Variants in ZFR observed in about 807,000 individuals in gnomAD.
The protein encoded by ZFR is zinc finger RNA binding protein.
ZFR carries 19 observed loss-of-function variants against 130.7 expected under a neutral mutation model. The observed-to-expected ratio is 0.15, with a 90% CI of 0.10 to 0.21. The LOEUF is 0.21. Among genes scored for constraint, ZFR ranks in the 10% least tolerant of loss-of-function variants. ZFR has a pLI of 1.00. For synonymous variants in ZFR, 466 were observed against 456.9 expected, an observed-to-expected ratio of 1.02 and a Z score of -0.25; for missense variants, 872 against 1,321.5, an observed-to-expected ratio of 0.66 and a Z score of 5.27.
In ZFR at chr5:32,402,795, A is replaced by C. The variant is rs568898274; in HGVS notation, c.1516+311T>G. ...TCTGTCTCAAAAATGAAAAAAAAAA[A>C]AACAAAAAAAACCAATCAGGTTACC... On this transcript the variant is annotated intron_variant, in intron 8 of 19. Transcript: ENST00000265069. 2.6e-5 allele frequency among the ~76,000 whole-genome samples: 4 copies of C among 151,798 alleles called. No homozygotes were observed. The East Asian group carries it at 7.7e-4, about 29-fold the overall frequency.
In ZFR at chr5:32,410,761, T is replaced by C. The variant is rs556137866; in HGVS notation, c.785-3740A>G. 1.8e-4 allele frequency among the ~76,000 whole-genome samples: 27 copies of C among 152,310 alleles called. 1 individual carries two copies. The South Asian group carries it at 5.6e-3, about 32-fold the overall frequency. ...GTAGGTAGCAATACTCTAGAACTCATTTTACTAAGATAAAGAGAACAGCTG... is the reference window on the plus strand; with the variant it reads ...GTAGGTAGCAATACTCTAGAACTCACTTTACTAAGATAAAGAGAACAGCTG... On this transcript the variant is annotated intron_variant, in intron 5 of 19. Coordinates refer to ENST00000265069, the MANE Select transcript of ZFR (RefSeq NM_016107.5).
chr5:32,380,236 C>A (rs575169978), intron 15 of ZFR, 64 bp from the exon 16 acceptor site: 33 of 1,266,282 alleles, frequency 2.6e-5, no homozygotes, highest in Admixed American at 3.5e-5. Flanking sequence ...GAGCAAGACA[C>A]TTCCTTAAGG....
Position 32,390,388 on chromosome 5 carries a change from G to T in ZFR, c.2029C>A (p.His677Asn), listed in dbSNP as rs750147551. Residue 677 changes from histidine to asparagine, a missense_variant, in exon 12 of 20, where the codon CAT becomes AAT. By Grantham distance (68) the His-to-Asn change is moderately conservative (BLOSUM62 1). Coordinates refer to ENST00000265069, the MANE Select transcript of ZFR (RefSeq NM_016107.5). The stretch of plus-strand genomic sequence containing the variant: ...GGCATTCGGCGGCGATCATCCCAAT[G>T]ATGTTGTTCTTCCTCCATTCTCCTC... Reference protein sequence around the residue: ...YWRRMEEEQHHWDDRRRMPDG... With the variant: ...YWRRMEEEQHNWDDRRRMPDG... The T allele has an allele frequency of 3.7e-6, 6 of 1,614,102 alleles. No individual in the cohort carries two copies. In the East Asian group the frequency reaches 1.3e-4, roughly 36 times the overall value.
At chr5:32,391,601 G>A (rs890729345) in intron 11 of ZFR, among the ~76,000 whole-genome samples, 1 of 149,188 alleles carries the variant, frequency 6.7e-6, no homozygotes, top group Middle Eastern at 3.3e-3. Context: ...TTCAAACTAG[G>A]ATACCAATAA....
chr5:32,433,156 T>C (rs889492170), intron 2 of ZFR, among the ~76,000 whole-genome samples: 2 of 152,230 alleles, frequency 1.3e-5, no homozygotes, highest in African/African-American at 4.8e-5. Context: ...GTTAATTTTC[T>C]TGTAATCTTT....
intron 2 of ZFR, among the ~76,000 whole-genome samples, chr5:32,436,718 C>T (rs1336162399): frequency 6.6e-6 from 1 of 152,168 alleles, no homozygotes; most frequent in African/African-American, 2.4e-5. Context: ...TTAAAATCCT[C>T]CAGCCTAGGC....
At chr5:32,360,049 T>G (rs1436102756) in intron 19 of ZFR, among the ~76,000 whole-genome samples, 2 of 152,196 alleles carry the variant, frequency 1.3e-5, no homozygotes, top group Non-Finnish European at 2.9e-5. Context: ...TGGCACCAAT[T>G]TCAAAAGATT....
chr5:32,380,290 T>G, intron 15 of ZFR, 118 bp from the exon 16 acceptor site: 1 of 607,348 alleles, frequency 1.6e-6, no homozygotes, highest in South Asian at 2.2e-5. Flanking sequence ...TGTTGGCACT[T>G]TAATATATCC....
intron 2 of ZFR, among the ~76,000 whole-genome samples, chr5:32,439,667 G>A (rs1030669937): frequency 1.3e-5 from 2 of 151,986 alleles, no homozygotes; most frequent in Admixed American, 6.6e-5. Flanking sequence ...GAGGCTGGGC[G>A]TAGTGGCTCA....
At position 32,444,117 on chromosome 5, in the gene ZFR, A is replaced by T. The variant is rs1318396454; in HGVS notation, c.137+112T>A. On this transcript the variant is annotated intron_variant, in intron 2 of 19. Transcript: ENST00000265069. ...CCGGGCTGGGCCGGGCCAGGCCTGC[A>T]GCGGGCCGGGGCTCTGGGATGGCTG... 1.1e-5 allele frequency: 13 copies of T among 1,221,150 alleles called. No individual in the cohort carries two copies. The African/African-American group carries it at 1.1e-4, about 10-fold the overall frequency. The allele number at this position is 1,221,150 out of a possible 1,614,324, so 75.6% of individuals were successfully genotyped here.
intron 9 of ZFR, among the ~76,000 whole-genome samples, chr5:32,398,980 T>C (rs985418401): frequency 1.3e-5 from 2 of 152,072 alleles, no homozygotes; most frequent in South Asian, 2.1e-4. Context: ...CAAATATTTA[T>C]TTAAAACCTA....
chr5:32,367,212 T>C (rs1193043926), intron 17 of ZFR, among the ~76,000 whole-genome samples: 3 of 152,014 alleles, frequency 2.0e-5, no homozygotes, highest in Non-Finnish European at 4.4e-5. Flanking sequence ...GGTGGGTGGA[T>C]CACCTGACGT....
chr5:32,362,026 G>A (rs1752446004), intron 19 of ZFR, among the ~76,000 whole-genome samples: 1 of 152,072 alleles, frequency 6.6e-6, no homozygotes, highest in Admixed American at 6.6e-5. Flanking sequence ...TTCTGCATGT[G>A]GTTTGTAGGT....
chr5:32,366,198 G>A (rs1392271146), intron 17 of ZFR, among the ~76,000 whole-genome samples: 1 of 152,108 alleles, frequency 6.6e-6, no homozygotes, highest in African/African-American at 2.4e-5. Context: ...AATAAACCAA[G>A]AGTAATAATT....
In ZFR at chr5:32,403,295, T is replaced by C. The variant is rs1317871543; in HGVS notation, c.1327A>G (p.Thr443Ala). 1 of 1,614,200 alleles carries C rather than the reference T, an allele frequency of 6.2e-7. No homozygotes were observed. The highest frequency in any genetic ancestry group is 1.7e-5 in the Admixed American group (1 of 60,028). Reference sequence around the variant, plus strand: ...GCTGCAATGCTTGAAGGAGAGGCAGTCGGCTTTGAAGCAGATACAGCTGTT... The same window carrying C: ...GCTGCAATGCTTGAAGGAGAGGCAGCCGGCTTTGAAGCAGATACAGCTGTT... The part of the protein sequence containing the change: ...SSTAVSASKP[T>A]ASPSSIAANN... Residue 443 changes from threonine (T) to alanine (A), a missense_variant, in exon 8 of 20, where the codon ACT (threonine) becomes GCT (alanine). By Grantham distance (58) the Thr-to-Ala change is moderately conservative. Transcript: ENST00000265069.
At chr5:32,364,707 A>T (rs1439713156) in intron 17 of ZFR, 1 of 152,342 alleles carries the variant, frequency 6.6e-6, no homozygotes, top group African/African-American at 2.4e-5. Flanking sequence ...ATTGCACTCT[A>T]GCACCCTGAG....
At chr5:32,406,626 C>T (rs749615779) in intron 6 of ZFR, 148 bp downstream of exon 6, 52 of 1,106,264 alleles carry the variant, frequency 4.7e-5, no homozygotes, top group Non-Finnish European at 5.6e-5. Context: ...TGAAAATTCT[C>T]ATGCCACAAT....
At chr5:32,369,863 T>C (rs774357120) in intron 17 of ZFR, among the ~76,000 whole-genome samples, 28 of 152,084 alleles carry the variant, frequency 1.8e-4, no homozygotes, top group Non-Finnish European at 3.8e-4. Context: ...AGCATTATTA[T>C]ACTATGTTGT....
At chr5:32,401,791 C>T (rs544763206) in intron 8 of ZFR, among the ~76,000 whole-genome samples, 4 of 152,090 alleles carry the variant, frequency 2.6e-5, no homozygotes, top group African/African-American at 9.6e-5. Context: ...AGAAATAAAG[C>T]TCCAAGGAAG....
Sources: allele counts gnomAD v4.1 joint callset (sites outside exome capture counted in the v4.1 genomes callset), GRCh38; gene constraint gnomAD v4.1.1; transcripts MANE v1.5; gene names NCBI Gene and HGNC (gene_info 2026-07-23, HGNC 2026-07-21).